The following BAALC variants were observed in gnomAD, a reference collection of about 807,000 sequenced individuals.
BAALC encodes brain and acute leukemia cytoplasmic protein.
Under a neutral mutation model 15.5 loss-of-function variants are expected in BAALC, and 9 were observed. The observed-to-expected ratio is 0.58, with a 90% confidence interval of 0.35 to 1.02. The LOEUF is 1.02. Ranked by LOEUF, BAALC falls within the 50% of genes least tolerant of loss-of-function variation. The probability of loss-of-function intolerance (pLI) is 0.02; values close to 1 mark genes in which losing one functional copy is unlikely to be tolerated. For synonymous variants in BAALC, 80 were observed against 74.6 expected (o/e 1.07, Z -0.37); for missense variants, 201 against 192.4 (o/e 1.04, Z -0.27).
chr8:103,203,724 T>G (rs1285513802), intron 1 of BAALC, among the ~76,000 whole-genome samples: 1 of 152,238 alleles, frequency 6.6e-6, no homozygotes, highest in Non-Finnish European at 1.5e-5. Flanking sequence ...GCGTAATGGT[T>G]TCAAGGTTCA....
At chr8:103,165,611 A>C (rs1407937462) in intron 1 of BAALC, 1 of 152,228 alleles carries the variant, frequency 6.6e-6, no homozygotes, top group East Asian at 1.9e-4. Context: ...ATAGTTTGTC[A>C]GCAACAGAAC....
chr8:103,145,015 G>A (rs1339274378), intron 1 of BAALC, among the ~76,000 whole-genome samples: 1 of 152,154 alleles, frequency 6.6e-6, no homozygotes. Context: ...GTTCCAGCCT[G>A]GAATCTAGTT....
At chr8:103,148,470 AG>A (rs2129861573) in intron 1 of BAALC, among the ~76,000 whole-genome samples, 1 of 152,378 alleles carries the variant, frequency 6.6e-6, no homozygotes, top group African/African-American at 2.4e-5. Context: ...ATGTGAAATA[AG>A]CACATCATGG....
At chr8:103,184,441 G>A (rs1811790628) in intron 1 of BAALC, among the ~76,000 whole-genome samples, 1 of 152,218 alleles carries the variant, frequency 6.6e-6, no homozygotes, top group Non-Finnish European at 1.5e-5. Context: ...CACCTTCTGT[G>A]TGGCAGACAG....
At chr8:103,146,069 A>G (rs1810872625) in intron 1 of BAALC, among the ~76,000 whole-genome samples, 1 of 152,216 alleles carries the variant, frequency 6.6e-6, no homozygotes, top group Non-Finnish European at 1.5e-5. Flanking sequence ...GATGACCTGA[A>G]GAAGTTACTA....
chr8:103,188,447 A>G (rs1181629941), intron 1 of BAALC, among the ~76,000 whole-genome samples: 1 of 152,218 alleles, frequency 6.6e-6, no homozygotes. Flanking sequence ...ACGTTGAGGG[A>G]CAGGCGGCTG....
intron 1 of BAALC, among the ~76,000 whole-genome samples, chr8:103,169,032 C>G (rs1586393037): frequency 6.6e-6 from 1 of 152,080 alleles, no homozygotes; most frequent in East Asian, 1.9e-4. Flanking sequence ...CCTCCTGCCC[C>G]CATCTCCCTG....
At chr8:103,198,060 G>A (rs777251658) in intron 1 of BAALC, 61 of 687,710 alleles carry the variant, frequency 8.9e-5, no homozygotes, top group African/African-American at 7.8e-4. Flanking sequence ...AGTTTCTTAC[G>A]AACAACTATA....
chr8:103,192,567 A>T (rs763141829), intron 1 of BAALC, among the ~76,000 whole-genome samples: 11 of 152,346 alleles, frequency 7.2e-5, no homozygotes, highest in Non-Finnish European at 1.6e-4. Flanking sequence ...GTTTTTTGGC[A>T]AAAGCCATCA....
intron 1 of BAALC, among the ~76,000 whole-genome samples, chr8:103,179,022 A>G (rs1811669136): frequency 6.6e-6 from 1 of 152,210 alleles, no homozygotes; most frequent in African/African-American, 2.4e-5. Flanking sequence ...GGACAAAACA[A>G]AAACAAAAAA....
intron 1 of BAALC, among the ~76,000 whole-genome samples, chr8:103,178,979 C>T (rs1166873590): frequency 6.6e-6 from 1 of 151,906 alleles, no homozygotes; most frequent in East Asian, 1.9e-4. Flanking sequence ...GATAAGATTG[C>T]TAAATTAAAT....
rs1397572321 is a variant in BAALC at position 103,228,125 on chromosome 8, T to C, written c.*26T>C. The C allele has an allele frequency of 2.0e-6, 3 of 1,484,190 alleles. No homozygotes were observed. The highest frequency in any genetic ancestry group is 2.8e-5 in the African/African-American group (2 of 72,026). The allele number at this position is 1,484,190 out of a possible 1,614,324, so 91.9% of individuals were successfully genotyped here. ...CAGAGAGTCCAAGCAGAAGGGCAGA[T>C]GGACTTCTTCAGTGTCCTTCACGGC... On this transcript the variant is annotated 3_prime_UTR_variant, in exon 3 of 3. Transcript: ENST00000309982.
intron 1 of BAALC, among the ~76,000 whole-genome samples, chr8:103,160,487 TA>T (rs1811201166): frequency 6.6e-6 from 1 of 152,194 alleles, no homozygotes; most frequent in South Asian, 2.1e-4. Flanking sequence ...AAAATGTTTT[TA>T]AAGATTTTTT....
chr8:103,165,467 A>G (rs1304396495), intron 1 of BAALC: 1 of 152,210 alleles, frequency 6.6e-6, no homozygotes, highest in Non-Finnish European at 1.5e-5. Flanking sequence ...AGGAAAAGCT[A>G]CAAAGAAATT....
In BAALC at chr8:103,228,061, G is replaced by A. The variant is rs374470811; in HGVS notation, c.400G>A (p.Asp134Asn). Reference protein sequence around the residue: ...INVTDSIQQMDRSRRITKNCV... With the variant: ...INVTDSIQQMNRSRRITKNCV... ...TGTAACAGATAGCATCCAACAGATG[G>A]ACAGAAGTCGAAGAATCACAAAGAA... Residue 134 changes from aspartate (D) to asparagine (N), a missense_variant, in exon 3 of 3, where the codon GAC (aspartate) becomes AAC (asparagine). Physicochemically the swap from Asp to Asn is conservative, Grantham distance 23. Coordinates refer to ENST00000309982, the MANE Select transcript of BAALC (RefSeq NM_024812.3). 15 of 1,613,374 alleles carry A rather than the reference G, an allele frequency of 9.3e-6. No individual in the cohort carries two copies. The African/African-American group carries it at 1.6e-4, about 17-fold the overall frequency.
At chr8:103,153,201 G>A (rs1811020150) in intron 1 of BAALC, 2 of 152,306 alleles carry the variant, frequency 1.3e-5, no homozygotes, top group South Asian at 2.1e-4. Context: ...GAAAAATGGG[G>A]AGAACAGATA....
intron 1 of BAALC, among the ~76,000 whole-genome samples, chr8:103,150,333 CTG>C (rs34233321): frequency 2.0e-5 from 3 of 149,366 alleles, no homozygotes; most frequent in African/African-American, 4.9e-5. Context: ...AGAAACATGG[CTG>C]TGTGTGTGTG....
At chr8:103,150,409 G>C (rs1250021325) in intron 1 of BAALC, among the ~76,000 whole-genome samples, 2 of 151,800 alleles carry the variant, frequency 1.3e-5, no homozygotes, top group African/African-American at 2.4e-5. Flanking sequence ...GCAGGGACCA[G>C]CTTTCTGAGT....
At chr8:103,161,552 G>C (rs903076601) in intron 1 of BAALC, among the ~76,000 whole-genome samples, 2 of 152,120 alleles carry the variant, frequency 1.3e-5, no homozygotes, top group Non-Finnish European at 2.9e-5. Context: ...ATGGCCATTA[G>C]GGCTGTTCCC....
Sources: allele counts gnomAD v4.1 joint callset (sites outside exome capture counted in the v4.1 genomes callset), GRCh38; gene constraint gnomAD v4.1.1; transcripts MANE v1.5; gene names NCBI Gene and HGNC (gene_info 2026-07-23, HGNC 2026-07-21).